Variants in ACAD11 observed in about 807,000 individuals in gnomAD.
The protein encoded by ACAD11 is acyl-Coenzyme A dehydrogenase family, member 11.
Under a neutral mutation model 102.2 loss-of-function variants are expected in ACAD11, and 83 were observed. The ratio of observed to expected loss-of-function variants is 0.81; its 90% CI spans 0.68 to 0.97. The LOEUF (loss-of-function observed/expected upper bound fraction) is 0.97, where lower values mean the gene tolerates loss of function less well. Ranked by LOEUF, ACAD11 falls within the 50% of genes least tolerant of loss-of-function variation. ACAD11 has a pLI of 0.00. For synonymous variants in ACAD11, 324 were observed against 319.8 expected (o/e 1.01, Z -0.14); for missense variants, 901 against 951.7 (o/e 0.95, Z 0.70).
At chr3:132,567,809 T>G (rs1006312987) in intron 17 of ACAD11, among the ~76,000 whole-genome samples, 1 of 152,232 alleles carries the variant, frequency 6.6e-6, no homozygotes, top group South Asian at 2.1e-4. Context: ...GAGAACAAGA[T>G]AAGAATGTCA....
intron 13 of ACAD11, among the ~76,000 whole-genome samples, chr3:132,582,217 A>T (rs1243856553): frequency 1.3e-5 from 2 of 152,008 alleles, no homozygotes; most frequent in Non-Finnish European, 2.9e-5. Context: ...CAAATGAGTG[A>T]AATTGTCATT....
Position 132,630,524 on chromosome 3 carries a change from A to G in ACAD11, c.876T>C (p.Tyr292=). ...IPSMEELISI[Y]CRCRGINSIL... ...TAGAATTAATTCCCCTGCAGCGGCAATATATTGAAATCAGTTCTTCCATTG... is the reference window on the plus strand; with the variant it reads ...TAGAATTAATTCCCCTGCAGCGGCAGTATATTGAAATCAGTTCTTCCATTG... The change falls in exon 7 of 20, where the codon TAT becomes TAC. Residue 292 remains tyrosine, a synonymous_variant. Transcript: ENST00000264990. 2 of 1,612,798 alleles carry G rather than the reference A, an allele frequency of 1.2e-6. No homozygotes were observed. The highest frequency in any genetic ancestry group is 8.5e-7 in the Non-Finnish European group (1 of 1,179,340).
chr3:132,659,781 C>A lies in ACAD11; in HGVS notation c.-30G>T. ...ACCCCCGCAGGCCACAGCAACGCGG[C>A]ATCCACAGGTCTCGAGTGCCGAAGT... On this transcript the variant is annotated 5_prime_UTR_variant, in exon 1 of 20. The change abolishes an upstream ATG in the 5' untranslated region. Transcript: ENST00000264990. 1 of 1,565,308 alleles carries A rather than the reference C, an allele frequency of 6.4e-7. No individual in the cohort carries two copies. The highest frequency in any genetic ancestry group is 8.7e-7 in the Non-Finnish European group (1 of 1,154,564).
intron 13 of ACAD11, chr3:132,601,940 T>A (rs926627588): frequency 6.0e-6 from 1 of 166,006 alleles, no homozygotes; most frequent in Non-Finnish European, 1.4e-5. Context: ...TTTATAATAA[T>A]TTCAAAATAA....
chr3:132,618,407 A>AT, intron 11 of ACAD11: 1 of 458,912 alleles, frequency 2.2e-6, no homozygotes, highest in East Asian at 3.6e-5. Flanking sequence ...TTGGTGGCTA[A>AT]TTTTTTTCAC....
intron 5 of ACAD11, among the ~76,000 whole-genome samples, chr3:132,635,291 C>T (rs1399307546): frequency 6.6e-6 from 1 of 151,872 alleles, no homozygotes; most frequent in East Asian, 1.9e-4. Context: ...ACTCTGGCTA[C>T]TATGATTTCA....
At chr3:132,619,069 A>C (rs769406158) in intron 10 of ACAD11, 43 of 321,564 alleles carry the variant, frequency 1.3e-4, no homozygotes, top group Non-Finnish European at 2.2e-4. Flanking sequence ...AATCTCCCAC[A>C]TTTGAGTATG....
At chr3:132,561,629 T>G (rs1348372549) in intron 17 of ACAD11, among the ~76,000 whole-genome samples, 1 of 152,194 alleles carries the variant, frequency 6.6e-6, no homozygotes, top group Non-Finnish European at 1.5e-5. Flanking sequence ...ACTAGAAAAT[T>G]CTCAGCACAA....
At position 132,575,863 on chromosome 3, in the gene ACAD11, A is replaced by G. The variant is rs779956010; in HGVS notation, c.1910T>C (p.Met637Thr). 1 of 1,613,990 alleles carries G rather than the reference A, an allele frequency of 6.2e-7. No homozygotes were observed. Among genetic ancestry groups the G allele is most frequent in the Middle Eastern group, 1.7e-4 (1 of 6,060 alleles). ...GCGTTCCGCCAAACCTACTGTTCTCATACAGTGGTGGATTCTGCCAGGTCC... is the reference window on the plus strand; with the variant it reads ...GCGTTCCGCCAAACCTACTGTTCTCGTACAGTGGTGGATTCTGCCAGGTCC... The part of the protein sequence containing the change: ...RLGPGRIHHC[M>T]RTVGLAERAL... Residue 637 changes from methionine to threonine, a missense_variant, in exon 17 of 20, where the codon ATG becomes ACG. Transcript: ENST00000264990.
chr3:132,620,172 A>G (rs1046372988), intron 9 of ACAD11, among the ~76,000 whole-genome samples: 3 of 152,318 alleles, frequency 2.0e-5, no homozygotes, highest in African/African-American at 7.2e-5. Flanking sequence ...AAAAACAAAC[A>G]AACAGAAAAC....
chr3:132,631,298 G>A lies in ACAD11; in HGVS notation c.841+43C>T, dbSNP rs545624399. On this transcript the variant is annotated intron_variant, in intron 6 of 19. Transcript: ENST00000264990. ...TTTAATTATGAAAGTAATAAAGACA[G>A]TTTTATATTAATAGCAATTTAGACA... 238 of 1,239,310 alleles carry A rather than the reference G, an allele frequency of 1.9e-4. 2 individuals are homozygous for A. The South Asian group carries it at 5.9e-3, about 30-fold the overall frequency. 76.8% of individuals were successfully genotyped at this position (1,239,310 alleles called of 1,614,324 possible).
At chr3:132,581,981 G>C (rs149911298) in intron 13 of ACAD11, among the ~76,000 whole-genome samples, 2 of 152,038 alleles carry the variant, frequency 1.3e-5, no homozygotes, top group African/African-American at 2.4e-5. Flanking sequence ...AAATGTGAAA[G>C]TATAAGCTGT....
intron 17 of ACAD11, among the ~76,000 whole-genome samples, chr3:132,562,164 G>C (rs956930294): frequency 6.6e-6 from 1 of 152,164 alleles, no homozygotes; most frequent in Non-Finnish European, 1.5e-5. Context: ...GAGTGCAGTG[G>C]CGCCATCTCA....
chr3:132,567,502 T>G (rs143507535), intron 17 of ACAD11, among the ~76,000 whole-genome samples: 1 of 151,764 alleles, frequency 6.6e-6, no homozygotes, highest in Non-Finnish European at 1.5e-5. Flanking sequence ...TAAATCAAAA[T>G]GTAGTTCTAA....
chr3:132,577,856 A>G (rs986734686), intron 15 of ACAD11, among the ~76,000 whole-genome samples: 6 of 152,150 alleles, frequency 3.9e-5, no homozygotes, highest in African/African-American at 1.4e-4. Flanking sequence ...TTATAAACGC[A>G]TTTTTGGTAT....
At chr3:132,596,591 T>G (rs1440519783) in intron 13 of ACAD11, among the ~76,000 whole-genome samples, 2 of 152,180 alleles carry the variant, frequency 1.3e-5, no homozygotes, top group African/African-American at 4.8e-5. Context: ...CATAAATTTC[T>G]CTTCTTTCTC....
chr3:132,603,985 TC>T (rs1367378134), intron 12 of ACAD11, among the ~76,000 whole-genome samples: 2 of 152,222 alleles, frequency 1.3e-5, no homozygotes, highest in South Asian at 2.1e-4. Context: ...TTATTTTTTT[TC>T]TTTTTTAGAA....
At chr3:132,587,928 C>T (rs1425912174) in intron 13 of ACAD11, among the ~76,000 whole-genome samples, 1 of 152,104 alleles carries the variant, frequency 6.6e-6, no homozygotes, top group African/African-American at 2.4e-5. Flanking sequence ...AGCTGGAGCT[C>T]CCCTTTTCTG....
chr3:132,653,012 C>A (rs1007403608), intron 1 of ACAD11, among the ~76,000 whole-genome samples: 10 of 152,192 alleles, frequency 6.6e-5, no homozygotes, highest in Non-Finnish European at 1.5e-4. Context: ...GGCATAGATG[C>A]TGTTTATTGG....
Sources: allele counts gnomAD v4.1 joint callset (sites outside exome capture counted in the v4.1 genomes callset), GRCh38; gene constraint gnomAD v4.1.1; transcripts MANE v1.5; gene names NCBI Gene and HGNC (gene_info 2026-07-23, HGNC 2026-07-21).